Variants in PIR observed in about 807,000 individuals in gnomAD.
PIR encodes the protein pirin (iron-binding nuclear protein).
In PIR, 22 loss-of-function variants were observed where a neutral mutation model predicts 24.2. That is an observed-to-expected ratio of 0.91 (90% CI 0.65 to 1.30). PIR has a LOEUF of 1.30. Ranked by LOEUF, PIR falls within the 50% of genes most tolerant of loss-of-function variation. PIR has a pLI of 0.00. For missense variants in PIR, 220 were observed against 220.3 expected (o/e 1.00, Z 0.01); for synonymous variants, 80 against 79.6 (o/e 1.00, Z -0.03).
intron 5 of PIR, among the ~76,000 whole-genome samples, chrX:15,434,515 C>T (rs1228776842): frequency 9.1e-6 from 1 of 110,347 alleles, no homozygotes; most frequent in Non-Finnish European, 1.9e-5. Flanking sequence ...CTGGTTTGGC[C>T]ACATGGAAGT....
intron 5 of PIR, among the ~76,000 whole-genome samples, chrX:15,447,671 C>T (rs73451224): frequency 0.011 from 1,283 of 111,888 alleles, 24 homozygotes; most frequent in African/African-American, 0.04. Flanking sequence ...TCCATAAGAG[C>T]TCAGCTTTTA....
At chrX:15,446,643 G>C (rs1926114103) in intron 5 of PIR, among the ~76,000 whole-genome samples, 1 of 111,315 alleles carries the variant, frequency 9.0e-6, no homozygotes, top group African/African-American at 3.3e-5. Context: ...CTGTTTTCTT[G>C]GACCTCCAGA....
intron 7 of PIR, among the ~76,000 whole-genome samples, chrX:15,401,710 A>T (rs995054085): frequency 2.7e-5 from 3 of 112,215 alleles, no homozygotes; most frequent in South Asian, 3.7e-4. Flanking sequence ...TTTAATTGCA[A>T]TTTTTTTGCC....
At chrX:15,443,278 T>C (rs1569203660) in intron 5 of PIR, among the ~76,000 whole-genome samples, 1 of 110,998 alleles carries the variant, frequency 9.0e-6, no homozygotes, top group Non-Finnish European at 1.9e-5. Context: ...AGTCTATTAT[T>C]GAGCCCTACT....
intron 3 of PIR, among the ~76,000 whole-genome samples, 154 bp from the exon 4 acceptor site, chrX:15,459,894 T>C (rs1921229893): frequency 9.8e-6 from 1 of 102,241 alleles, no homozygotes; most frequent in Non-Finnish European, 2.0e-5. Context: ...TTTCTCCCAT[T>C]CCGTGAGTTG....
chrX:15,394,343 T>C (rs965368711), intron 8 of PIR, among the ~76,000 whole-genome samples: 10 of 112,368 alleles, frequency 8.9e-5, no homozygotes, highest in Admixed American at 8.5e-4. Flanking sequence ...TGTTTTGTTT[T>C]ATTTCTGTCT....
At chrX:15,437,937 T>C (rs968536704) in intron 5 of PIR, among the ~76,000 whole-genome samples, 2 of 112,694 alleles carry the variant, frequency 1.8e-5, no homozygotes, top group Non-Finnish European at 3.7e-5. Flanking sequence ...ACTTTCCCTC[T>C]TACGCAACCT....
chrX:15,428,669 CTT>C (rs1925401984), intron 5 of PIR, among the ~76,000 whole-genome samples: 1 of 111,217 alleles, frequency 9.0e-6, no homozygotes, highest in Admixed American at 9.5e-5. Context: ...CTCTCTCTCT[CTT>C]TCTTTTTTAA....
intron 6 of PIR, among the ~76,000 whole-genome samples, chrX:15,420,202 A>T (rs1444783022): frequency 1.8e-5 from 2 of 111,925 alleles, no homozygotes; most frequent in Non-Finnish European, 3.8e-5. Context: ...ATCTCAAAAC[A>T]ACAACAACGA....
At chrX:15,427,507 C>T (rs974192341) in intron 5 of PIR, among the ~76,000 whole-genome samples, 3 of 110,853 alleles carry the variant, frequency 2.7e-5, no homozygotes, top group African/African-American at 9.8e-5. Flanking sequence ...AGGACATGAA[C>T]ATTTCTGCCT....
At chrX:15,478,084 A>T (rs1232976392) in intron 3 of PIR, among the ~76,000 whole-genome samples, 1 of 106,724 alleles carries the variant, frequency 9.4e-6, no homozygotes, top group Non-Finnish European at 1.9e-5. Context: ...ATTTTATTTA[A>T]TATATTCATT....
chrX:15,412,533 C>T (rs1924777758), intron 6 of PIR, among the ~76,000 whole-genome samples: 1 of 111,831 alleles, frequency 8.9e-6, no homozygotes, highest in Admixed American at 9.5e-5. Context: ...GAAAAAAAGT[C>T]CCCTAACTGG....
chrX:15,470,600 CTTTT>C (rs1185040119), intron 3 of PIR, among the ~76,000 whole-genome samples: 1 of 45,106 alleles, frequency 2.2e-5, no homozygotes, highest in Non-Finnish European at 4.8e-5. Flanking sequence ...TTCTTTCTTT[CTTTT>C]TTTTTTTTTT....
intron 7 of PIR, among the ~76,000 whole-genome samples, chrX:15,403,953 A>G (rs1205297276): frequency 9.2e-6 from 1 of 108,679 alleles, no homozygotes; most frequent in African/African-American, 3.4e-5. Flanking sequence ...CTTTAAAATG[A>G]CTGACTTACT....
chrX:15,387,255 C>T (rs1289789112), intron 9 of PIR, among the ~76,000 whole-genome samples: 1 of 106,777 alleles, frequency 9.4e-6, no homozygotes, highest in Non-Finnish European at 1.9e-5. Flanking sequence ...GCCACCATGC[C>T]CGGCTAAATT....
chrX:15,385,545 T>C (rs1044642190), intron 9 of PIR, among the ~76,000 whole-genome samples: 6 of 112,410 alleles, frequency 5.3e-5, no homozygotes, highest in African/African-American at 1.9e-4. Context: ...TATAAGGCTG[T>C]ATACTTATTT....
rs761516609 is a variant in PIR at position 15,479,726 on chromosome X, T to A, written c.189+3A>T. The A allele has an allele frequency of 2.5e-5, 26 of 1,047,701 alleles. No homozygotes were observed. Among genetic ancestry groups the A allele is most frequent in the Non-Finnish European group, 3.4e-5 (26 of 754,485 alleles). 86.3% of individuals were successfully genotyped at this position (1,047,701 alleles called of 1,213,427 possible). ...ACTTCTGCAGTCAAATTATTGTACT[T>A]ACTGTTTCAAAACCTCGATGTGGAT... On this transcript the variant is annotated splice_donor_region_variant and intron_variant, in intron 3 of 9. Coordinates refer to ENST00000380420, the MANE Select transcript of PIR (RefSeq NM_001018109.3).
chrX:15,387,159 G>C (rs1002001494), intron 9 of PIR, among the ~76,000 whole-genome samples: 1 of 90,433 alleles, frequency 1.1e-5, no homozygotes, highest in Non-Finnish European at 2.1e-5. Context: ...TGAGTGGTGC[G>C]ATCTTGGCTC....
chrX:15,434,040 G>A (rs1163153469), intron 5 of PIR, among the ~76,000 whole-genome samples: 5 of 60,621 alleles, frequency 8.2e-5, no homozygotes, highest in African/African-American at 1.3e-4. Flanking sequence ...GAGGAGGAAG[G>A]AGAAAGAAGG....
Sources: gnomAD v4.1 joint callset for allele counts (sites outside exome capture counted in the v4.1 genomes callset) on GRCh38, gnomAD v4.1.1 for gene constraint, MANE v1.5 for transcripts, NCBI Gene and HGNC (gene_info 2026-07-23, HGNC 2026-07-21) for gene names.